Variants in ADAM32 observed in about 807,000 individuals in gnomAD.
The protein encoded by ADAM32 is ADAM metallopeptidase domain 32.
A neutral mutation model predicts 114.9 loss-of-function variants in ADAM32; 89 were observed. The observed-to-expected ratio is 0.77, with a 90% CI of 0.65 to 0.92. The LOEUF is 0.92. Ranked by LOEUF, ADAM32 falls within the 40% of genes least tolerant of loss-of-function variation. ADAM32 has a pLI of 0.00. For synonymous variants in ADAM32, 285 were observed against 307.5 expected (o/e 0.93, Z 0.77); for missense variants, 870 against 932.8 (o/e 0.93, Z 0.88).
At chr8:39,181,811 G>A (rs1366410762) in intron 10 of ADAM32, among the ~76,000 whole-genome samples, 1 of 152,148 alleles carries the variant, frequency 6.6e-6, no homozygotes, top group Non-Finnish European at 1.5e-5. Context: ...GAGTAATCAG[G>A]AAAAAATGCA....
At chr8:39,280,345 T>C (rs551496121) in intron 22 of ADAM32, among the ~76,000 whole-genome samples, 25 of 152,356 alleles carry the variant, frequency 1.6e-4, no homozygotes, top group African/African-American at 5.8e-4. Flanking sequence ...ATACGTTTTT[T>C]GTTTTCTTCA....
chr8:39,188,392 T>A (rs1806389589), intron 11 of ADAM32, among the ~76,000 whole-genome samples: 1 of 151,886 alleles, frequency 6.6e-6, no homozygotes, highest in African/African-American at 2.4e-5. Context: ...TGTCTGTCTA[T>A]CTATCTATCT....
At chr8:39,160,281 C>T (rs1456805337) in intron 6 of ADAM32, among the ~76,000 whole-genome samples, 1 of 152,190 alleles carries the variant, frequency 6.6e-6, no homozygotes, top group Non-Finnish European at 1.5e-5. Context: ...TGGCTCACGC[C>T]TGTAATCCCA....
chr8:39,118,030 A>G, intron 1 of ADAM32, 56 bp from the exon 2 acceptor site: 1 of 1,125,716 alleles, frequency 8.9e-7, no homozygotes, highest in Non-Finnish European at 1.2e-6. Flanking sequence ...AACTGAACAG[A>G]TATTTAATCA....
At position 39,117,910 on chromosome 8, in the gene ADAM32, G is replaced by A. The variant is rs1321775671; in HGVS notation, c.59-176G>A. 3.6e-4 allele frequency among the ~76,000 whole-genome samples: 54 copies of A among 151,720 alleles called. No homozygotes were observed. The highest frequency in any genetic ancestry group is 3.3e-3 in the Admixed American group (51 of 15,242). ...CATACCTCTTCCCTTCTCCTTTTTT[G>A]TTCTTTCATAAGTATCTTGTCTGTT... On this transcript the variant is annotated intron_variant, in intron 1 of 24. Transcript: ENST00000379907.
intron 10 of ADAM32, among the ~76,000 whole-genome samples, chr8:39,180,711 C>G (rs1048515251): frequency 2.0e-5 from 3 of 152,140 alleles, no homozygotes; most frequent in African/African-American, 7.2e-5. Context: ...CTGTGTCTAG[C>G]TCAGGGTTTG....
At chr8:39,228,252 T>C (rs1809520334) in intron 14 of ADAM32, among the ~76,000 whole-genome samples, 1 of 152,220 alleles carries the variant, frequency 6.6e-6, no homozygotes, top group East Asian at 1.9e-4. Context: ...CCAATCCTGG[T>C]AATATGACAA....
chr8:39,180,016 A>C (rs1223508299), intron 10 of ADAM32, among the ~76,000 whole-genome samples: 1 of 152,038 alleles, frequency 6.6e-6, no homozygotes, highest in Admixed American at 6.5e-5. Context: ...CTTTGGCAGC[A>C]CTTGAGGAGC....
intron 22 of ADAM32, 94 bp downstream of exon 22, chr8:39,275,960 T>A: frequency 8.3e-7 from 1 of 1,211,164 alleles, no homozygotes; most frequent in South Asian, 1.6e-5. Flanking sequence ...TGCTAACTAT[T>A]AACTGAGTAG....
Position 39,283,588 on chromosome 8 carries a change from C to G in ADAM32, c.2321C>G (p.Ser774Cys). The G allele has an allele frequency of 6.3e-7, 1 of 1,597,544 alleles. No homozygotes were observed. Among genetic ancestry groups the G allele is most frequent in the African/African-American group, 1.4e-5 (1 of 73,254 alleles). ...EDSAEAYTSR[S>C]KSQDSTQTQS... ...ATGTTATTTCCTTATTTCCTTAGATCCAAATCACAGGACAGTACCCAAACA... is the reference window on the plus strand; with the variant it reads ...ATGTTATTTCCTTATTTCCTTAGATGCAAATCACAGGACAGTACCCAAACA... The change falls in exon 24 of 25, where the codon TCC (serine) becomes TGC (cysteine). Residue 774 changes from serine to cysteine, a missense_variant and splice_region_variant. Ser to Cys is a moderately radical substitution (Grantham distance 112). Transcript: ENST00000379907.
intron 16 of ADAM32, among the ~76,000 whole-genome samples, chr8:39,234,767 T>C (rs1178185704): frequency 6.6e-6 from 1 of 152,206 alleles, no homozygotes; most frequent in Non-Finnish European, 1.5e-5. Flanking sequence ...TTAGAGGGAA[T>C]AACACAGCAA....
intron 4 of ADAM32, among the ~76,000 whole-genome samples, chr8:39,149,043 G>T (rs1327990195): frequency 6.6e-6 from 1 of 152,046 alleles, no homozygotes; most frequent in South Asian, 2.1e-4. Context: ...AAGTTTTTAG[G>T]TATAGTATTT....
At chr8:39,257,082 A>T in intron 18 of ADAM32, 105 bp from the exon 19 acceptor site, 6 of 1,137,204 alleles carry the variant, frequency 5.3e-6, no homozygotes, top group Non-Finnish European at 7.2e-6. Flanking sequence ...TGTTCCTTGA[A>T]TAACAATACA....
At chr8:39,237,153 C>T (rs1334818350) in intron 16 of ADAM32, among the ~76,000 whole-genome samples, 8 of 152,166 alleles carry the variant, frequency 5.3e-5, no homozygotes, top group South Asian at 2.1e-4. Context: ...TTTAGAGAGC[C>T]GAGCAAACCA....
chr8:39,221,802 A>T, intron 13 of ADAM32, 100 bp downstream of exon 13: 1 of 672,490 alleles, frequency 1.5e-6, no homozygotes, highest in Non-Finnish European at 2.3e-6. Context: ...CAATTAAATT[A>T]CTTTTCAGAT....
At chr8:39,226,622 C>T (rs1181218077) in intron 14 of ADAM32, among the ~76,000 whole-genome samples, 2 of 151,328 alleles carry the variant, frequency 1.3e-5, no homozygotes, top group East Asian at 1.9e-4. Context: ...GGAATGATAT[C>T]GTGCTGAAAG....
chr8:39,229,521 G>A (rs1809597107), intron 14 of ADAM32, among the ~76,000 whole-genome samples: 1 of 152,092 alleles, frequency 6.6e-6, no homozygotes, highest in South Asian at 2.1e-4. Flanking sequence ...TCATGCAAAT[G>A]GACACCAAAA....
chr8:39,180,315 G>A (rs1456606389), intron 10 of ADAM32, among the ~76,000 whole-genome samples: 1 of 152,216 alleles, frequency 6.6e-6, no homozygotes, highest in Non-Finnish European at 1.5e-5. Context: ...CACGGGTGCT[G>A]TGCTCGATTT....
intron 12 of ADAM32, among the ~76,000 whole-genome samples, chr8:39,215,523 G>C (rs1585559908): frequency 6.6e-6 from 1 of 151,522 alleles, no homozygotes. Context: ...TAAGTGCGTA[G>C]AGCTATAAAC....
Sources: gnomAD v4.1 joint callset for allele counts (sites outside exome capture counted in the v4.1 genomes callset) on GRCh38, gnomAD v4.1.1 for gene constraint, MANE v1.5 for transcripts, NCBI Gene and HGNC (gene_info 2026-07-23, HGNC 2026-07-21) for gene names.